Variants in TRPM7 observed in about 807,000 individuals in gnomAD.
TRPM7 encodes the protein LTRPC ion channel family member 7.
In TRPM7, 134 loss-of-function variants were observed where a neutral mutation model predicts 229.7. That is an observed-to-expected ratio of 0.58 (90% CI 0.51 to 0.67). The LOEUF (loss-of-function observed/expected upper bound fraction) is 0.67, where lower values mean the gene tolerates loss of function less well. TRPM7 is among the 30% of genes least tolerant of loss of function. TRPM7 has a pLI of 0.00. For missense variants in TRPM7, 1,901 were observed against 2,210.0 expected, an observed-to-expected ratio of 0.86 and a Z score of 2.80; for synonymous variants, 699 against 715.2, an observed-to-expected ratio of 0.98 and a Z score of 0.36.
rs939078797 is a variant in TRPM7 at position 50,605,946 on chromosome 15, GA to G, written c.2710-803del. On this transcript the variant is annotated intron_variant, in intron 20 of 38. Transcript: ENST00000646667. ...CTGGTTCGAGTTGGTGTTTGGAAAA[GA>G]AAAAAAAAAGAAATTCTTATGATAT... Among the ~76,000 whole-genome samples, 619 of 144,496 alleles carry G rather than the reference GA, an allele frequency of 4.3e-3. 13 individuals carry two copies. The highest frequency in any genetic ancestry group is 0.035 in the Admixed American group (509 of 14,540). 94.8% of individuals were successfully genotyped at this position (144,496 alleles called of 152,430 possible).
At chr15:50,611,583 T>C (rs1173173492) in intron 16 of TRPM7, among the ~76,000 whole-genome samples, 1 of 152,080 alleles carries the variant, frequency 6.6e-6, no homozygotes, top group African/African-American at 2.4e-5. Context: ...CAAACTATAA[T>C]CTCAAAGGGA....
At chr15:50,589,848 T>TTTTTTTTG (rs113973270) in intron 26 of TRPM7, among the ~76,000 whole-genome samples, 192 bp from the exon 27 acceptor site, 2 of 137,198 alleles carry the variant, frequency 1.5e-5, no homozygotes, top group Non-Finnish European at 3.1e-5. Context: ...AGGTTACAGT[T>TTTTTTTTG]TTTTTTGTTT....
chr15:50,599,048 T>C (rs917867682), intron 22 of TRPM7, 74 bp downstream of exon 22: 35 of 1,156,810 alleles, frequency 3.0e-5, no homozygotes, highest in Non-Finnish European at 4.1e-5. Context: ...AAATATGCAA[T>C]ATTACTATAA....
intron 10 of TRPM7, among the ~76,000 whole-genome samples, chr15:50,630,666 A>C (rs568873120): frequency 7.2e-4 from 110 of 152,190 alleles, no homozygotes; most frequent in African/African-American, 2.6e-3. Context: ...TTTTCAGCTG[A>C]TTAAGAAAGT....
Position 50,583,165 on chromosome 15 carries a change from A to G in TRPM7, c.4487-6T>C. ...CCTTCTACTGATTTTTTCTGCTAAA[A>G]GAAAATTAAAAAATATAAAAAAGCT... On this transcript the variant is annotated splice_region_variant and splice_polypyrimidine_tract_variant and intron_variant, in intron 28 of 38. Coordinates refer to ENST00000646667, the MANE Select transcript of TRPM7 (RefSeq NM_017672.6). 2 of 1,591,556 alleles carry G rather than the reference A, an allele frequency of 1.3e-6. No homozygotes were observed. Among genetic ancestry groups the G allele is most frequent in the Non-Finnish European group, 1.7e-6 (2 of 1,170,314 alleles).
At chr15:50,618,400 C>G (rs915494409) in intron 13 of TRPM7, among the ~76,000 whole-genome samples, 2 of 151,960 alleles carry the variant, frequency 1.3e-5, no homozygotes, top group Non-Finnish European at 2.9e-5. Context: ...GAAACCCCGT[C>G]TCTACTAAAA....
intron 27 of TRPM7, chr15:50,588,121 T>C: frequency 1.7e-6 from 1 of 598,156 alleles, no homozygotes. Flanking sequence ...ACCTATTTCC[T>C]CCATCTAAAA....
At chr15:50,644,927 G>A (rs1339387110) in intron 4 of TRPM7, among the ~76,000 whole-genome samples, 4 of 151,568 alleles carry the variant, frequency 2.6e-5, no homozygotes, top group Non-Finnish European at 5.9e-5. Flanking sequence ...TTTTAGACAC[G>A]GTCAGGCTCT....
Position 50,570,132 on chromosome 15 carries a change from GGTCA to G in TRPM7, c.5328_5331del (p.Asp1777HisfsTer3), listed in dbSNP as rs1454265639. ...TTTTCTTCTGCTTTTATCACAGATG[GGTCA>G]GTCAAATTTTCACCAACACCTTTAT... On this transcript the variant is annotated frameshift_variant, in exon 37 of 39. Coordinates refer to ENST00000646667, the MANE Select transcript of TRPM7 (RefSeq NM_017672.6). LOFTEE classifies it high-confidence loss of function. The G allele has an allele frequency of 8.1e-6, 13 of 1,608,740 alleles. No homozygotes were observed. The highest frequency in any genetic ancestry group is 2.2e-5 in the East Asian group (1 of 44,742).
intron 4 of TRPM7, among the ~76,000 whole-genome samples, chr15:50,648,380 A>G (rs2061329325): frequency 2.0e-5 from 3 of 152,226 alleles, no homozygotes; most frequent in African/African-American, 7.2e-5. Flanking sequence ...CATTTTTAAA[A>G]ACAATTAAAA....
chr15:50,634,978 T>A (rs2060845160), intron 7 of TRPM7, among the ~76,000 whole-genome samples: 1 of 152,118 alleles, frequency 6.6e-6, no homozygotes, highest in Non-Finnish European at 1.5e-5. Context: ...TATTCATTTT[T>A]AAAATATATA....
chr15:50,619,887 A>C, intron 12 of TRPM7, 89 bp from the exon 13 acceptor site: 1 of 1,118,494 alleles, frequency 8.9e-7, no homozygotes. Context: ...TCTTATACAA[A>C]TTACATTGTT....
intron 1 of TRPM7, among the ~76,000 whole-genome samples, chr15:50,680,515 G>C: frequency 6.6e-6 from 1 of 151,468 alleles, no homozygotes; most frequent in Non-Finnish European, 1.5e-5. Context: ...TCTGCAATGA[G>C]CCAAGATCGC....
At chr15:50,674,227 GA>G (rs1475124047) in intron 1 of TRPM7, among the ~76,000 whole-genome samples, 1 of 152,186 alleles carries the variant, frequency 6.6e-6, no homozygotes, top group Non-Finnish European at 1.5e-5. Context: ...GACCTCAAGT[GA>G]TCCATCTGCC....
chr15:50,657,905 A>T (rs2061618634), intron 2 of TRPM7, 86 bp from the exon 3 acceptor site: 13 of 1,009,636 alleles, frequency 1.3e-5, no homozygotes, highest in Non-Finnish European at 1.9e-5. Context: ...AATACAAAAC[A>T]AAAAAAATTA....
At chr15:50,678,196 C>T (rs1273349499) in intron 1 of TRPM7, among the ~76,000 whole-genome samples, 1 of 143,062 alleles carries the variant, frequency 7.0e-6, no homozygotes, top group Non-Finnish European at 1.5e-5. Flanking sequence ...AGCCAAGATG[C>T]ACCATTGCAC....
chr15:50,635,592 G>T (rs2060872968), intron 7 of TRPM7, among the ~76,000 whole-genome samples: 4 of 147,088 alleles, frequency 2.7e-5, no homozygotes, highest in African/African-American at 1.0e-4. Context: ...GAACCCGGGA[G>T]GCGAAAGTTG....
chr15:50,643,287 C>CA (rs150936263), intron 5 of TRPM7, 53 bp downstream of exon 5: 275,604 of 1,170,394 alleles, frequency 0.24, 9,456 homozygotes, highest in Admixed American at 0.33. Flanking sequence ...GAGTCCGTCT[C>CA]AAAAAAAAAA....
rs187805033 is a variant in TRPM7 at position 50,655,412 on chromosome 15, A to G, written c.122+2369T>C. On this transcript the variant is annotated intron_variant, in intron 3 of 38. Coordinates refer to ENST00000646667, the MANE Select transcript of TRPM7 (RefSeq NM_017672.6). Reference sequence around the variant, plus strand: ...CGCACCACTGCACTCCAGCCTGGACAACAGACCAAGACTCCATCTCAAAGG... The same window carrying G: ...CGCACCACTGCACTCCAGCCTGGACGACAGACCAAGACTCCATCTCAAAGG... Among the ~76,000 whole-genome samples the G allele has an allele frequency of 1.8e-3, 278 of 150,564 alleles. 1 individual carries two copies. The highest frequency in any genetic ancestry group is 6.2e-3 in the African/African-American group (255 of 41,048).
Sources: allele counts gnomAD v4.1 joint callset (sites outside exome capture counted in the v4.1 genomes callset), GRCh38; gene constraint gnomAD v4.1.1; transcripts MANE v1.5; gene names NCBI Gene and HGNC (gene_info 2026-07-23, HGNC 2026-07-21).